PLEKHG3: variants seen among roughly 807,000 people sequenced by gnomAD.
The protein encoded by PLEKHG3 is pleckstrin homology and RhoGEF domain containing G3.
A neutral mutation model predicts 94.9 loss-of-function variants in PLEKHG3; 62 were observed. The observed-to-expected ratio is 0.65, with a 90% CI of 0.53 to 0.81. The LOEUF is 0.81. Among genes scored for constraint, PLEKHG3 ranks in the 30% least tolerant of loss-of-function variants. The pLI, the probability that PLEKHG3 is intolerant of heterozygous loss-of-function variation, is 0.00. For synonymous variants in PLEKHG3, 614 were observed against 654.0 expected, an observed-to-expected ratio of 0.94 and a Z score of 0.93; for missense variants, 1,461 against 1,619.3, an observed-to-expected ratio of 0.90 and a Z score of 1.68.
Position 64,718,990 on chromosome 14 carries a change from CA to C in PLEKHG3, c.-39-8602del, listed in dbSNP as rs2139369526. ...ACATGCCGTCTCTCCGTGTGGATCC[CA>C]GAGGAATGCGCCTCTGGGATCTGCT... On this transcript the variant is annotated intron_variant, in intron 1 of 16. Transcript: ENST00000247226. This position sits in a 1 kb window ranked among gnomAD's most constrained non-coding sequence, Gnocchi z 5.0. Among the ~76,000 whole-genome samples the C allele has an allele frequency of 6.6e-6, 1 of 152,284 alleles. No homozygotes were observed.
At position 64,721,652 on chromosome 14, in the gene PLEKHG3, C is replaced by T. The variant is rs2081264042; in HGVS notation, c.-39-5941C>T. Among the ~76,000 whole-genome samples the T allele has an allele frequency of 6.6e-6, 1 of 152,202 alleles. No homozygotes were observed. The highest frequency in any genetic ancestry group is 2.1e-4 in the South Asian group (1 of 4,832). Reference sequence around the variant, plus strand: ...CGTTGCTCACATGCACACAAAGTCACTCCCCGGGGAGCCTTCTCTCGCGCT... The same window carrying T: ...CGTTGCTCACATGCACACAAAGTCATTCCCCGGGGAGCCTTCTCTCGCGCT... On this transcript the variant is annotated intron_variant, in intron 1 of 16. Coordinates refer to ENST00000247226, the MANE Select transcript of PLEKHG3 (RefSeq NM_001308147.2). This position sits in a 1 kb window ranked among gnomAD's most constrained non-coding sequence, Gnocchi z 4.3.
Position 64,728,036 on chromosome 14 carries a change from T to A in PLEKHG3, c.351+54T>A. The A allele has an allele frequency of 3.4e-6, 4 of 1,170,014 alleles. No homozygotes were observed. Among genetic ancestry groups the A allele is most frequent in the Non-Finnish European group, 3.5e-6 (3 of 847,380 alleles). 72.5% of individuals were successfully genotyped at this position (1,170,014 alleles called of 1,614,324 possible). A position where few individuals can be genotyped will look rare whatever the true frequency, so the allele number is the denominator to read the frequency against. On this transcript the variant is annotated intron_variant, in intron 2 of 16. Coordinates refer to ENST00000247226, the MANE Select transcript of PLEKHG3 (RefSeq NM_001308147.2). The surrounding 1 kb of genome is among the most constrained non-coding windows in gnomAD (Gnocchi z 5.9). ...ATTCTAGCAGAAGCCTGTTTCACCC[T>A]GGGAGGGAAGCTCTCAAAAGACCTG...
At chr14:64,707,663 G>A (rs2080993604) in intron 1 of PLEKHG3, among the ~76,000 whole-genome samples, 1 of 152,248 alleles carries the variant, frequency 6.6e-6, no homozygotes, top group African/African-American at 2.4e-5. Context: ...GAGGCTTCCA[G>A]GAGGAAGGTA....
rs2081616669 is a variant in PLEKHG3 at position 64,738,337 on chromosome 14, C to T, written c.1405-405C>T. ...ACCCCACCCTGCCCTGGTTTTACTC[C>T]TCCCCTCAGCACTTAACACCATCGC... On this transcript the variant is annotated intron_variant, in intron 14 of 16. Coordinates refer to ENST00000247226, the MANE Select transcript of PLEKHG3 (RefSeq NM_001308147.2). The surrounding 1 kb of genome is among the most constrained non-coding windows in gnomAD (Gnocchi z 4.8). The T allele has an allele frequency of 9.2e-6, 5 of 545,112 alleles. No homozygotes were observed. The highest frequency in any genetic ancestry group is 2.9e-5 in the Admixed American group (1 of 34,582). The allele number at this position is 545,112 out of a possible 1,614,324, so 33.8% of individuals were successfully genotyped here.
Position 64,738,221 on chromosome 14 carries a change from T to A in PLEKHG3, c.1405-521T>A, listed in dbSNP as rs1033924912. 1.6e-6 allele frequency: 2 copies of A among 1,287,492 alleles called. No homozygotes were observed. The highest frequency in any genetic ancestry group is 2.0e-6 in the Non-Finnish European group (2 of 988,300). The allele number at this position is 1,287,492 out of a possible 1,614,324, so 79.8% of individuals were successfully genotyped here. On this transcript the variant is annotated intron_variant, in intron 14 of 16. Coordinates refer to ENST00000247226, the MANE Select transcript of PLEKHG3 (RefSeq NM_001308147.2). This position sits in a 1 kb window ranked among gnomAD's most constrained non-coding sequence, Gnocchi z 4.8. ...ACGCTTTACTTTTCTCCCGGGGCGC[T>A]ATGGTGAGGTGTCTCTTCGATCTCC...
At position 64,732,824 on chromosome 14, in the gene PLEKHG3, G is replaced by T. The variant is rs745818974; in HGVS notation, c.1268G>T (p.Ser423Ile). Residue 423 changes from serine (S) to isoleucine (I), a missense_variant, in exon 12 of 17, where the codon AGC (serine) becomes ATC (isoleucine). Ser to Ile is a moderately radical substitution (Grantham distance 142). Transcript: ENST00000247226. The surrounding 1 kb of genome is among the most constrained non-coding windows in gnomAD (Gnocchi z 4.9). ...DSYYPNRYRC[S>I]PERLKKAWSS... is the part of the protein sequence containing the mutation. ...GCAGATCCCAATCGGTACCGCTGCA[G>T]CCCAGAGCGGCTGAAGAAGGCTTGG... 105 of 1,609,274 alleles carry T rather than the reference G, an allele frequency of 6.5e-5. 3 individuals are homozygous for T. The South Asian group carries it at 1.1e-3, about 17-fold the overall frequency.
At position 64,741,334 on chromosome 14, in the gene PLEKHG3, C is replaced by A. The variant is rs746565890; in HGVS notation, c.1817C>A (p.Ala606Glu). 1 of 1,613,634 alleles carries A rather than the reference C, an allele frequency of 6.2e-7. No homozygotes were observed. The highest frequency in any genetic ancestry group is 8.5e-7 in the Non-Finnish European group (1 of 1,180,034). The change falls in exon 16 of 17, where the codon GCG becomes GAG. Residue 606 changes from alanine to glutamate, a missense_variant. Physicochemically the swap from Ala to Glu is moderately radical, Grantham distance 107. This residue lies in a region of PLEKHG3 where 1,201 missense variants were observed against 1,295.5 expected (regional missense o/e 0.93). Coordinates refer to ENST00000247226, the MANE Select transcript of PLEKHG3 (RefSeq NM_001308147.2). ...PSVLDQASVI[A>E]ERFVSSFSRR... ...GTGCTGGACCAGGCCAGCGTCATTG[C>A]GGAGCGATTTGTCAGCAGCTTCTCT...
intron 1 of PLEKHG3, among the ~76,000 whole-genome samples, chr14:64,707,179 G>T (rs1448479350): frequency 6.6e-6 from 1 of 152,206 alleles, no homozygotes; most frequent in East Asian, 1.9e-4. Context: ...CTCCAGCGGG[G>T]GCCCTGGCAG....
Position 64,738,276 on chromosome 14 carries a change from C to T in PLEKHG3, c.1405-466C>T. ...CTCCTTGCATGCTCCCTGGGATGTG[C>T]ATGCCCACCCGAGGGCCCCCTCTGC... On this transcript the variant is annotated intron_variant, in intron 14 of 16. Coordinates refer to ENST00000247226, the MANE Select transcript of PLEKHG3 (RefSeq NM_001308147.2). This position sits in a 1 kb window ranked among gnomAD's most constrained non-coding sequence, Gnocchi z 4.8. 8.5e-7 allele frequency: 1 copy of T among 1,178,454 alleles called. No individual in the cohort carries two copies. The highest frequency in any genetic ancestry group is 1.1e-6 in the Non-Finnish European group (1 of 893,764). 73.0% of individuals were successfully genotyped at this position (1,178,454 alleles called of 1,614,324 possible). A position where few individuals can be genotyped will look rare whatever the true frequency, so the allele number is the denominator to read the frequency against.
rs1422365294 is a variant in PLEKHG3 at position 64,715,196 on chromosome 14, G to C, written c.-40+10492G>C. On this transcript the variant is annotated intron_variant, in intron 1 of 16. Coordinates refer to ENST00000247226, the MANE Select transcript of PLEKHG3 (RefSeq NM_001308147.2). The surrounding 1 kb of genome is among the most constrained non-coding windows in gnomAD (Gnocchi z 4.4). ...AGGTTGCCCCATACTCTAGGAACTT[G>C]TGAGCAAAAAGTGTTACTTGTAAAA... is the stretch of plus-strand genomic sequence containing the variant. Among the ~76,000 whole-genome samples the C allele has an allele frequency of 6.6e-6, 1 of 152,154 alleles. No individual in the cohort carries two copies. The highest frequency in any genetic ancestry group is 6.5e-5 in the Admixed American group (1 of 15,288).
chr14:64,734,689 T>C (rs2081536524), intron 12 of PLEKHG3, among the ~76,000 whole-genome samples: 1 of 151,982 alleles, frequency 6.6e-6, no homozygotes, highest in Admixed American at 6.6e-5. Context: ...TTAACAGTTA[T>C]GAAATTCCCT....
At position 64,742,271 on chromosome 14, in the gene PLEKHG3, G is replaced by A; in HGVS notation, c.2754G>A (p.Val918=). 1 of 1,612,986 alleles carries A rather than the reference G, an allele frequency of 6.2e-7. No homozygotes were observed. The highest frequency in any genetic ancestry group is 8.5e-7 in the Non-Finnish European group (1 of 1,180,038). The change falls in exon 16 of 17, where the codon GTG becomes GTA. Residue 918 remains valine (V), a synonymous_variant. Coordinates refer to ENST00000247226, the MANE Select transcript of PLEKHG3 (RefSeq NM_001308147.2). ...VQLSHVMDSH[V]SERVKNKVYQ... is the part of the protein sequence containing the mutation. ...TCTCCCACGTAATGGACAGCCACGT[G>A]AGCGAGCGCGTCAAGAACAAGGTCT...
In PLEKHG3 at chr14:64,736,890, A is replaced by T; in HGVS notation, c.1383A>T (p.Lys461Asn). The T allele has an allele frequency of 6.2e-7, 1 of 1,612,192 alleles. No homozygotes were observed. The highest frequency in any genetic ancestry group is 8.5e-7 in the Non-Finnish European group (1 of 1,178,338). ...TKHLLRQLNE[K>N]ARAAGMKGKG... Reference sequence around the variant, plus strand: ...ACCTGCTCAGGCAACTCAACGAGAAAGGTGAGTGTGTGAGGTGGCCAGCCA... The same window carrying T: ...ACCTGCTCAGGCAACTCAACGAGAATGGTGAGTGTGTGAGGTGGCCAGCCA... Residue 461 changes from lysine (K) to asparagine (N), a missense_variant and splice_region_variant, in exon 13 of 17, where the codon AAA becomes AAT. Coordinates refer to ENST00000247226, the MANE Select transcript of PLEKHG3 (RefSeq NM_001308147.2).
At position 64,704,946 on chromosome 14, in the gene PLEKHG3, C is replaced by T. The variant is rs542554312; in HGVS notation, c.-40+242C>T. ...GGGAGACTTTTTCTGTCTTTTTTTC[C>T]CTCCACTCCGGAAACAAAAGGGGCA... On this transcript the variant is annotated intron_variant, in intron 1 of 16. Coordinates refer to ENST00000247226, the MANE Select transcript of PLEKHG3 (RefSeq NM_001308147.2). The surrounding 1 kb of genome is among the most constrained non-coding windows in gnomAD (Gnocchi z 5.6). 6.6e-6 allele frequency among the ~76,000 whole-genome samples: 1 copy of T among 152,258 alleles called. No individual in the cohort carries two copies. Among genetic ancestry groups the T allele is most frequent in the East Asian group, 1.9e-4 (1 of 5,164 alleles).
Position 64,720,943 on chromosome 14 carries a change from TTCTG to T in PLEKHG3, c.-39-6645_-39-6642del, listed in dbSNP as rs1310321202. ...TGTCCCTCTGCTTTTATTGTCAAAC[TTCTG>T]TCTGACTCTGACTCCTGCCGGATTC... On this transcript the variant is annotated intron_variant, in intron 1 of 16. Transcript: ENST00000247226. This position sits in a 1 kb window ranked among gnomAD's most constrained non-coding sequence, Gnocchi z 4.1. Among the ~76,000 whole-genome samples the T allele has an allele frequency of 4.6e-5, 7 of 152,336 alleles. No individual in the cohort carries two copies. Among genetic ancestry groups the T allele is most frequent in the African/African-American group, 1.4e-4 (6 of 41,568 alleles).
rs751580453 is a variant in PLEKHG3, at chr14:64,736,907, G to A, written c.1384+16G>A. ...AACGAGAAAGGTGAGTGTGTGAGGT[G>A]GCCAGCCATTCCCAGTGAGCGGGGG... On this transcript the variant is annotated intron_variant, in intron 13 of 16. Coordinates refer to ENST00000247226, the MANE Select transcript of PLEKHG3 (RefSeq NM_001308147.2). The A allele has an allele frequency of 1.2e-6, 2 of 1,607,120 alleles. No individual in the cohort carries two copies. Among genetic ancestry groups the A allele is most frequent in the East Asian group, 4.5e-5 (2 of 44,856 alleles).
In PLEKHG3 at chr14:64,732,014, T is replaced by TG; in HGVS notation, c.1126-78dup. On this transcript the variant is annotated intron_variant, in intron 9 of 16. Coordinates refer to ENST00000247226, the MANE Select transcript of PLEKHG3 (RefSeq NM_001308147.2). This position sits in a 1 kb window ranked among gnomAD's most constrained non-coding sequence, Gnocchi z 4.9. ...CCAGCATGGCCCCACTTTTTCTCCC[T>TG]GGGTGGAAGCACTGTCCATGCTAGA... The TG allele has an allele frequency of 9.1e-7, 1 of 1,100,312 alleles. No individual in the cohort carries two copies. The highest frequency in any genetic ancestry group is 1.5e-5 in the African/African-American group (1 of 64,974). 68.2% of individuals were successfully genotyped at this position (1,100,312 alleles called of 1,614,324 possible).
chr14:64,743,665 C>T lies in PLEKHG3; in HGVS notation c.3622C>T (p.Leu1208Phe), dbSNP rs1197113350. Reference protein sequence around the residue: ...DPSQQGRVRNLREKFQALNSV... With the variant: ...DPSQQGRVRNFREKFQALNSV... ...GAGCCAGCAGGGCAGAGTGAGAAAC[C>T]TTAGAGAGAAGTTCCAGGCCTTGAA... is the stretch of plus-strand genomic sequence containing the variant. The change falls in exon 17 of 17, where the codon CTT becomes TTT. Residue 1208 changes from leucine (L) to phenylalanine (F), a missense_variant. Physicochemically the swap from Leu to Phe is conservative, Grantham distance 22. Coordinates refer to ENST00000247226, the MANE Select transcript of PLEKHG3 (RefSeq NM_001308147.2). The surrounding 1 kb of genome is among the most constrained non-coding windows in gnomAD (Gnocchi z 7.2). 1 of 1,596,162 alleles carries T rather than the reference C, an allele frequency of 6.3e-7. No individual in the cohort carries two copies. Among genetic ancestry groups the T allele is most frequent in the East Asian group, 2.2e-5 (1 of 44,684 alleles).
chr14:64,742,873 C>T (rs967338341), intron 16 of PLEKHG3, 109 bp from the exon 17 acceptor site: 14 of 1,046,496 alleles, frequency 1.3e-5, no homozygotes, highest in Non-Finnish European at 2.0e-5. Flanking sequence ...ACACCCAAAA[C>T]CCCAACAACC....
Sources: gnomAD v4.1 joint callset for allele counts (sites outside exome capture counted in the v4.1 genomes callset) on GRCh38, gnomAD v4.1.1 for gene constraint, gnomAD v4.1.1 regional missense constraint, Gnocchi (gnomAD v3.1) non-coding constraint, MANE v1.5 for transcripts, NCBI Gene and HGNC (gene_info 2026-07-23, HGNC 2026-07-21) for gene names.